SHQ1: variants seen among roughly 807,000 people sequenced by gnomAD.
SHQ1 encodes the protein SHQ1, H/ACA ribonucleoprotein assembly factor.
A neutral mutation model predicts 53.8 loss-of-function variants in SHQ1; 49 were observed. That is an observed-to-expected ratio of 0.91 (90% confidence interval 0.72 to 1.16). The LOEUF is 1.16. Ranked by LOEUF, SHQ1 falls within the 50% of genes most tolerant of loss-of-function variation. The pLI is 0.00. For missense variants in SHQ1, 738 were observed against 683.1 expected (o/e 1.08, Z -0.90); for synonymous variants, 243 against 251.0 (o/e 0.97, Z 0.30).
In SHQ1 at chr3:72,847,301, T is replaced by C. The variant is rs541312715; in HGVS notation, c.143+897A>G. Among the ~76,000 whole-genome samples the C allele has an allele frequency of 2.0e-5, 3 of 152,200 alleles. No homozygotes were observed. In the East Asian group the frequency reaches 5.8e-4, roughly 29 times the overall value. On this transcript the variant is annotated intron_variant, in intron 1 of 10. Coordinates refer to ENST00000325599, the MANE Select transcript of SHQ1 (RefSeq NM_018130.3). ...GAGAAGGTTTGTACCACAAAAGTAC[T>C]TGGGTGGGAAAAGTAGGATGCAGCT...
At chr3:72,761,781 T>G (rs1040795098) in intron 10 of SHQ1, among the ~76,000 whole-genome samples, 1 of 146,238 alleles carries the variant, frequency 6.8e-6, no homozygotes, top group Non-Finnish European at 1.5e-5. Flanking sequence ...AGATGTCATA[T>G]TATCACAGAA....
intron 10 of SHQ1, among the ~76,000 whole-genome samples, chr3:72,784,889 G>T (rs959563596): frequency 6.6e-6 from 1 of 152,144 alleles, no homozygotes; most frequent in Non-Finnish European, 1.5e-5. Context: ...GGCTCAAAAT[G>T]GTACTGTGAA....
the SHQ1 span, among the ~76,000 whole-genome samples, chr3:72,726,628 A>C: frequency 0.01 from 1,575 of 152,328 alleles, 13 homozygotes; most frequent in Non-Finnish European, 0.015. Flanking sequence ...CTGGGATTAC[A>C]GGTGTGAGCC....
At chr3:72,777,121 AAT>A (rs1210612590) in intron 10 of SHQ1, among the ~76,000 whole-genome samples, 1 of 152,222 alleles carries the variant, frequency 6.6e-6, no homozygotes, top group Non-Finnish European at 1.5e-5. Context: ...ACTATAGGAG[AAT>A]ATCTCTATAA....
the SHQ1 span, among the ~76,000 whole-genome samples, chr3:72,735,076 C>T: frequency 2.6e-5 from 4 of 151,776 alleles, no homozygotes; most frequent in South Asian, 8.3e-4. Context: ...TAAGCTTGGG[C>T]AATATTTCAA....
At chr3:72,729,211 G>C in the SHQ1 span, among the ~76,000 whole-genome samples, 1 of 152,160 alleles carries the variant, frequency 6.6e-6, no homozygotes, top group Non-Finnish European at 1.5e-5. Context: ...CCCTGGATTC[G>C]TTAGTGGCTC....
chr3:72,831,257 A>G lies in SHQ1; in HGVS notation c.599+1112T>C, dbSNP rs944779346. On this transcript the variant is annotated intron_variant, in intron 5 of 10. Coordinates refer to ENST00000325599, the MANE Select transcript of SHQ1 (RefSeq NM_018130.3). Reference sequence around the variant, plus strand: ...TTTATCATTACACATCACTCATTCCATTTGCACATCACAAGATATATCCCT... The same window carrying G: ...TTTATCATTACACATCACTCATTCCGTTTGCACATCACAAGATATATCCCT... 2.0e-5 allele frequency among the ~76,000 whole-genome samples: 3 copies of G among 152,190 alleles called. No individual in the cohort carries two copies. In the East Asian group the frequency reaches 5.8e-4, roughly 29 times the overall value.
chr3:72,740,003 G>A, the SHQ1 span, among the ~76,000 whole-genome samples: 20 of 152,048 alleles, frequency 1.3e-4, no homozygotes, highest in Admixed American at 5.9e-4. Flanking sequence ...AGGTGTGGCC[G>A]CTGGAAGCTG....
At chr3:72,730,626 C>G in the SHQ1 span, among the ~76,000 whole-genome samples, 1 of 152,136 alleles carries the variant, frequency 6.6e-6, no homozygotes, top group Non-Finnish European at 1.5e-5. Context: ...GCCGATTTCT[C>G]CTGGGAAGTC....
intron 7 of SHQ1, among the ~76,000 whole-genome samples, chr3:72,815,875 C>T (rs1397335306): frequency 6.6e-6 from 1 of 152,100 alleles, no homozygotes; most frequent in East Asian, 1.9e-4. Flanking sequence ...GAGAAGGTCT[C>T]AAGTTGTAAG....
the SHQ1 span, among the ~76,000 whole-genome samples, chr3:72,739,454 G>T: frequency 6.6e-6 from 1 of 152,220 alleles, no homozygotes; most frequent in Non-Finnish European, 1.5e-5. Flanking sequence ...CAGGAACAGC[G>T]TCTACAGCTG....
the SHQ1 span, among the ~76,000 whole-genome samples, chr3:72,742,653 G>A: frequency 1.7e-5 from 2 of 120,208 alleles, no homozygotes; most frequent in African/African-American, 6.6e-5. Context: ...GTCTCACTCT[G>A]TTGTCCAGGC....
In SHQ1 at chr3:72,769,048, G is replaced by T. The variant is rs532536440; in HGVS notation, c.1182-18212C>A. On this transcript the variant is annotated intron_variant, in intron 10 of 10. Coordinates refer to ENST00000325599, the MANE Select transcript of SHQ1 (RefSeq NM_018130.3). ...TGCAGTTTGGCAGGAAAAAAGTGCA[G>T]GTCCTTTGATCAAGTAACAGAGCCC... Among the ~76,000 whole-genome samples, 4 of 152,324 alleles carry T rather than the reference G, an allele frequency of 2.6e-5. No homozygotes were observed. The South Asian group carries it at 8.3e-4, about 32-fold the overall frequency.
intron 1 of SHQ1, chr3:72,846,466 T>G (rs1313215200): frequency 6.4e-5 from 42 of 653,448 alleles, no homozygotes; most frequent in Non-Finnish European, 4.3e-5. Context: ...CAGATAATTT[T>G]TTTGTATTTT....
At chr3:72,728,612 C>T in the SHQ1 span, among the ~76,000 whole-genome samples, 1 of 152,198 alleles carries the variant, frequency 6.6e-6, no homozygotes, top group Non-Finnish European at 1.5e-5. Context: ...GTTTGGGGTG[C>T]GGCTGCTCTG....
intron 5 of SHQ1, among the ~76,000 whole-genome samples, chr3:72,830,822 G>A (rs1269293921): frequency 1.3e-5 from 2 of 152,180 alleles, no homozygotes; most frequent in Non-Finnish European, 2.9e-5. Flanking sequence ...AAGACACACA[G>A]AAGATGGAGA....
chr3:72,781,297 C>T (rs568136941), intron 10 of SHQ1, among the ~76,000 whole-genome samples: 1 of 152,066 alleles, frequency 6.6e-6, no homozygotes, highest in Non-Finnish European at 1.5e-5. Context: ...CCCAGGTGAT[C>T]CGCTCACCTT....
At chr3:72,761,420 C>A (rs947740184) in intron 10 of SHQ1, among the ~76,000 whole-genome samples, 1 of 152,186 alleles carries the variant, frequency 6.6e-6, no homozygotes, top group Non-Finnish European at 1.5e-5. Flanking sequence ...GACCCTCCTG[C>A]CCCAGCCTCC....
intron 1 of SHQ1, chr3:72,846,369 A>C: frequency 2.1e-6 from 3 of 1,459,702 alleles, no homozygotes; most frequent in Non-Finnish European, 2.7e-6. Flanking sequence ...ATCTTGGCTC[A>C]CTGCAACCTT....
Sources: gnomAD v4.1 joint callset for allele counts (sites outside exome capture counted in the v4.1 genomes callset) on GRCh38, gnomAD v4.1.1 for gene constraint, MANE v1.5 for transcripts, NCBI Gene and HGNC (gene_info 2026-07-23, HGNC 2026-07-21) for gene names.